CIC: variants seen among roughly 807,000 people sequenced by gnomAD.
CIC encodes capicua transcriptional repressor.
In CIC, 18 loss-of-function variants were observed where a neutral mutation model predicts 115.7. The ratio of observed to expected loss-of-function variants is 0.16; its 90% confidence interval spans 0.11 to 0.23. CIC has a LOEUF of 0.23. CIC is among the 10% of genes least tolerant of loss of function. CIC has a pLI of 1.00. For missense variants in CIC, 2,000 were observed against 2,159.3 expected (o/e 0.93, Z 1.46); for synonymous variants, 1,076 against 923.0 (o/e 1.17, Z -3.01).
At chr19:42,269,473 CA>C (rs1259017754) in intron 1 of CIC, 92 bp downstream of exon 1, 2 of 55,894 alleles carry the variant, frequency 3.6e-5, no homozygotes, top group East Asian at 6.2e-4. Context: ...GGAGGGGGTA[CA>C]GGGGGAAAGG....
rs1020337272 is a variant in CIC, at chr19:42,287,771, G to A, written c.3493-39G>A. On this transcript the variant is annotated intron_variant, in intron 6 of 20. Transcript: ENST00000681038. The surrounding 1 kb of genome is among the most constrained non-coding windows in gnomAD (Gnocchi z 8.7). Reference sequence around the variant, plus strand: ...GGCTCCTCCCAGCTTCTTCTGGTGGGGTGGGTGAGTGAAGGGTTGCCCTGC... The same window carrying A: ...GGCTCCTCCCAGCTTCTTCTGGTGGAGTGGGTGAGTGAAGGGTTGCCCTGC... 6 of 1,613,994 alleles carry A rather than the reference G, an allele frequency of 3.7e-6. No individual in the cohort carries two copies. The Admixed American group carries it at 6.7e-5, about 18-fold the overall frequency.
In CIC at chr19:42,280,573, C is replaced by T. The variant is rs567581828; in HGVS notation, c.2794+5996C>T. Among the ~76,000 whole-genome samples, 3 of 152,314 alleles carry T rather than the reference C, an allele frequency of 2.0e-5. No individual in the cohort carries two copies. The highest frequency in any genetic ancestry group is 7.2e-5 in the African/African-American group (3 of 41,582). Reference sequence around the variant, plus strand: ...ATTAACCCCTGCGCTGCCGCGTCCTCGGGCTGGGTGGGGTACCCTCCCTCC... The same window carrying T: ...ATTAACCCCTGCGCTGCCGCGTCCTTGGGCTGGGTGGGGTACCCTCCCTCC... On this transcript the variant is annotated intron_variant, in intron 2 of 20. Transcript: ENST00000681038. This position sits in a 1 kb window ranked among gnomAD's most constrained non-coding sequence, Gnocchi z 4.9.
In CIC at chr19:42,293,584, C is replaced by T; in HGVS notation, c.6523-8C>T. The T allele has an allele frequency of 1.2e-6, 2 of 1,613,854 alleles. No homozygotes were observed. Among genetic ancestry groups the T allele is most frequent in the South Asian group, 2.2e-5 (2 of 91,078 alleles). ...TGTTCGCCATCTCCCTGCCCATCTCCACCCCAGGCCAGCAAATTCCCCAGC... is the reference window on the plus strand; with the variant it reads ...TGTTCGCCATCTCCCTGCCCATCTCTACCCCAGGCCAGCAAATTCCCCAGC... On this transcript the variant is annotated splice_region_variant and splice_polypyrimidine_tract_variant and intron_variant, in intron 16 of 20. Coordinates refer to ENST00000681038, the MANE Select transcript of CIC (RefSeq NM_001386298.1).
chr19:42,274,827 T>C (rs559519646), intron 2 of CIC, among the ~76,000 whole-genome samples: 61 of 152,314 alleles, frequency 4.0e-4, no homozygotes, highest in African/African-American at 1.3e-3. Flanking sequence ...TCAGCAAACC[T>C]TTCTTGAGTG....
chr19:42,292,359 C>T lies in CIC; in HGVS notation c.5795C>T (p.Ser1932Phe), dbSNP rs2038192337. The T allele has an allele frequency of 3.1e-6, 5 of 1,612,888 alleles. No individual in the cohort carries two copies. Among genetic ancestry groups the T allele is most frequent in the Non-Finnish European group, 3.4e-6 (4 of 1,179,900 alleles). The stretch of plus-strand genomic sequence containing the variant: ...CTGCCCCTGGGTACCAGCCCTGCGT[C>T]CAGCCAGGCTGGAACAGTCACCTCG... ...HALPLGTSPASSQAGTVTSYG... is the reference protein window; with the variant it reads ...HALPLGTSPAFSQAGTVTSYG... The change falls in exon 14 of 21, where the codon TCC becomes TTC. Residue 1932 changes from serine to phenylalanine, a missense_variant. By Grantham distance (155) the Ser-to-Phe change is radical. Around this residue, in one of 8 missense-constraint regions of CIC, gnomAD observed 1,466 missense variants for 1,390.4 expected, o/e 1.05. Coordinates refer to ENST00000681038, the MANE Select transcript of CIC (RefSeq NM_001386298.1).
intron 2 of CIC, chr19:42,284,584 G>T: frequency 2.6e-6 from 1 of 388,284 alleles, no homozygotes; most frequent in Non-Finnish European, 4.3e-6. Flanking sequence ...GGGGGCATGC[G>T]GCGACGGCCT....
intron 7 of CIC, 130 bp downstream of exon 7, chr19:42,288,105 T>C (rs1471787857): frequency 1.9e-6 from 2 of 1,040,940 alleles, no homozygotes; most frequent in South Asian, 1.4e-5. Flanking sequence ...GCGACCCTTA[T>C]CCGTAAAGGA....
At position 42,287,973 on chromosome 19, in the gene CIC, G is replaced by T; in HGVS notation, c.3656G>T (p.Gly1219Val). Residue 1219 changes from glycine to valine, a missense_variant and splice_region_variant, in exon 7 of 21, where the codon GGG becomes GTG. By Grantham distance (109) the Gly-to-Val change is moderately radical (BLOSUM62 -3). Around this residue, in one of 8 missense-constraint regions of CIC, gnomAD observed 1,466 missense variants for 1,390.4 expected, o/e 1.05. Coordinates refer to ENST00000681038, the MANE Select transcript of CIC (RefSeq NM_001386298.1). The surrounding 1 kb of genome is among the most constrained non-coding windows in gnomAD (Gnocchi z 8.7). Reference protein sequence around the residue: ...MSETGTAAAPGVSSELLSVAA... With the variant: ...MSETGTAAAPVVSSELLSVAA... ...GAGACGGGCACTGCTGCTGCCCCTG[G>T]GGGTTAGTCAGCCCCTTGGCTCTCC... 1 of 1,589,628 alleles carries T rather than the reference G, an allele frequency of 6.3e-7. No homozygotes were observed.
At chr19:42,269,944 G>A (rs558356099) in intron 1 of CIC, among the ~76,000 whole-genome samples, 12 of 152,100 alleles carry the variant, frequency 7.9e-5, no homozygotes, top group South Asian at 2.1e-4. Context: ...CAGATCTGAG[G>A]AAGGTGAGGG....
In CIC at chr19:42,295,143, G is replaced by GGGCGCCCCCCCCCCCC; in HGVS notation, c.7506_7507insGGCGCCCCCCCCCCCC (p.Pro2503GlyfsTer25). 7.2e-7 allele frequency: 1 copy of GGGCGCCCCCCCCCCCC among 1,382,734 alleles called. No homozygotes were observed. The highest frequency in any genetic ancestry group is 9.6e-7 in the Non-Finnish European group (1 of 1,037,822). The allele number at this position is 1,382,734 out of a possible 1,614,324, so 85.7% of individuals were successfully genotyped here. On this transcript the variant is annotated frameshift_variant, in exon 21 of 21. Coordinates refer to ENST00000681038, the MANE Select transcript of CIC (RefSeq NM_001386298.1). LOFTEE classifies it high-confidence loss of function. ...AGCCTGGCTGGGAGGGGGCTCCCCA[G>GGGCGCCCCCCCCCCCC]CCCTCCCCCCCACCCCCAGGTCCCT...
intron 2 of CIC, among the ~76,000 whole-genome samples, chr19:42,276,619 G>A (rs1282577012): frequency 6.6e-6 from 1 of 152,200 alleles, no homozygotes; most frequent in Non-Finnish European, 1.5e-5. Context: ...GAGGCTGTGA[G>A]CTGTGTGTTT....
intron 2 of CIC, chr19:42,284,730 T>C: frequency 6.4e-7 from 1 of 1,556,542 alleles, no homozygotes; most frequent in South Asian, 1.2e-5. Flanking sequence ...AGGCCCCTGA[T>C]GCCCGCGTCC....
In CIC at chr19:42,292,028, C is replaced by T; in HGVS notation, c.5614-58C>T. On this transcript the variant is annotated intron_variant, in intron 12 of 20. Coordinates refer to ENST00000681038, the MANE Select transcript of CIC (RefSeq NM_001386298.1). Reference sequence around the variant, plus strand: ...GAGTCCCACTTGAGGTCTTGGTCTTCCCCTGCCCCAGTCTGGGGCCACAGC... The same window carrying T: ...GAGTCCCACTTGAGGTCTTGGTCTTTCCCTGCCCCAGTCTGGGGCCACAGC... 7 of 1,611,048 alleles carry T rather than the reference C, an allele frequency of 4.3e-6. No individual in the cohort carries two copies. In the Admixed American group the frequency reaches 5.0e-5, roughly 12 times the overall value.
chr19:42,291,804 T>C, intron 12 of CIC, 59 bp downstream of exon 12: 1 of 1,596,936 alleles, frequency 6.3e-7, no homozygotes, highest in Non-Finnish European at 8.6e-7. Flanking sequence ...CCATCATTTC[T>C]TTGTCTTTTT....
chr19:42,293,709 G>A lies in CIC; in HGVS notation c.6640G>A (p.Gly2214Ser). ...PAPAPAVAPG[G>S]SSESSSGRAA... The stretch of plus-strand genomic sequence containing the variant: ...CCCAGCTCCAGCTGTAGCCCCTGGT[G>A]GCAGCAGCGAGAGCAGCAGTGGGCG... The change falls in exon 17 of 21, where the codon GGC becomes AGC. Residue 2214 changes from glycine (G) to serine (S), a missense_variant. Coordinates refer to ENST00000681038, the MANE Select transcript of CIC (RefSeq NM_001386298.1). The A allele has an allele frequency of 6.2e-7, 1 of 1,612,898 alleles. No homozygotes were observed. The highest frequency in any genetic ancestry group is 8.5e-7 in the Non-Finnish European group (1 of 1,179,780).
At position 42,295,067 on chromosome 19, in the gene CIC, C is replaced by G. The variant is rs920388530; in HGVS notation, c.7430C>G (p.Thr2477Arg). The change falls in exon 21 of 21, where the codon ACG (threonine) becomes AGG (arginine). Residue 2477 changes from threonine to arginine, a missense_variant. Thr to Arg is a moderately conservative substitution (Grantham distance 71). Transcript: ENST00000681038. Reference protein sequence around the residue: ...DPTSPSSDSGTAQAAPPLPPP... With the variant: ...DPTSPSSDSGRAQAAPPLPPP... ...ACCTCACCCAGCTCGGACTCTGGCA[C>G]GGCCCAGGCTGCCCCGCCACTGCCT... 1 of 1,523,372 alleles carries G rather than the reference C, an allele frequency of 6.6e-7. No homozygotes were observed. Among genetic ancestry groups the G allele is most frequent in the South Asian group, 1.2e-5 (1 of 82,440 alleles). 94.4% of individuals were successfully genotyped at this position (1,523,372 alleles called of 1,614,324 possible).
chr19:42,289,081 A>G lies in CIC; in HGVS notation c.3852A>G (p.Glu1284=). 1 of 1,613,618 alleles carries G rather than the reference A, an allele frequency of 6.2e-7. No homozygotes were observed. Among genetic ancestry groups the G allele is most frequent in the Non-Finnish European group, 8.5e-7 (1 of 1,180,032 alleles). The change falls in exon 8 of 21, where the codon GAA becomes GAG. Residue 1284 remains glutamate (E), a synonymous_variant. Transcript: ENST00000681038. ...AAGTAGACAGTCAGGCGCTACAGGA[A>G]CTGACGCAGGTCTAGGGTGCAGGCC... The part of the protein sequence containing the change: ...GGEVDSQALQ[E]LTQMVSGPAS...
chr19:42,288,159 G>C (rs1054841025), intron 7 of CIC, among the ~76,000 whole-genome samples, 184 bp downstream of exon 7: 3 of 152,240 alleles, frequency 2.0e-5, no homozygotes, highest in Non-Finnish European at 2.9e-5. Context: ...GATCCACACA[G>C]ATACTAAGAT....
In CIC at chr19:42,291,371, C is replaced by G. The variant is rs770585137; in HGVS notation, c.5330C>G (p.Pro1777Arg). 2 of 1,612,402 alleles carry G rather than the reference C, an allele frequency of 1.2e-6. No homozygotes were observed. Among genetic ancestry groups the G allele is most frequent in the African/African-American group, 2.7e-5 (2 of 74,914 alleles). Reference sequence around the variant, plus strand: ...ACCAGCATCCGTTTCACCCTCCCACCGGGCACTTCCACCAACGGCAAAGTC... The same window carrying G: ...ACCAGCATCCGTTTCACCCTCCCACGGGGCACTTCCACCAACGGCAAAGTC... ...PTTSIRFTLP[P>R]GTSTNGKVLA... Residue 1777 changes from proline to arginine, a missense_variant, in exon 11 of 21, where the codon CCG (proline) becomes CGG (arginine). Physicochemically the swap from Pro to Arg is moderately radical, Grantham distance 103 (BLOSUM62 -2). Transcript: ENST00000681038.
Sources: gnomAD v4.1 joint callset for allele counts (sites outside exome capture counted in the v4.1 genomes callset) on GRCh38, gnomAD v4.1.1 for gene constraint, gnomAD v4.1.1 regional missense constraint, Gnocchi (gnomAD v3.1) non-coding constraint, MANE v1.5 for transcripts, NCBI Gene and HGNC (gene_info 2026-07-23, HGNC 2026-07-21) for gene names.